Variants in ABCA4 observed in about 807,000 individuals in gnomAD.
ABCA4 encodes retinal-specific phospholipid-transporting ATPase ABCA4.
ABCA4 carries 196 observed loss-of-function variants against 263.7 expected under a neutral mutation model. The ratio of observed to expected loss-of-function variants is 0.74; its 90% CI spans 0.66 to 0.84. The LOEUF (loss-of-function observed/expected upper bound fraction) is 0.84, where lower values mean the gene tolerates loss of function less well. Ranked by LOEUF, ABCA4 falls within the 40% of genes least tolerant of loss-of-function variation. The probability of loss-of-function intolerance (pLI) is 0.00; values close to 1 mark genes in which losing one functional copy is unlikely to be tolerated. For synonymous variants in ABCA4, 1,133 were observed against 1,094.2 expected, an observed-to-expected ratio of 1.04 and a Z score of -0.70; for missense variants, 2,792 against 2,855.1, an observed-to-expected ratio of 0.98 and a Z score of 0.50.
At position 94,063,125 on chromosome 1, in the gene ABCA4, T is replaced by G; in HGVS notation, c.1747A>C (p.Lys583Gln). 1.2e-6 allele frequency: 2 copies of G among 1,613,708 alleles called. No homozygotes were observed. The highest frequency in any genetic ancestry group is 2.2e-5 in the South Asian group (2 of 91,060). The change falls in exon 12 of 50, where the codon AAG becomes CAG. Residue 583 changes from lysine (K) to glutamine (Q), a missense_variant. Lys to Gln is a moderately conservative substitution (Grantham distance 53). Coordinates refer to ENST00000370225, the MANE Select transcript of ABCA4 (RefSeq NM_000350.3). ...CTGAAACATCACCTGTCTTTAATCT[T>G]ATTGGTTTTCTCCACCACGTCTATG... ...MDIDVVEKTN[K>Q]IKDRYWDSGP...
chr1:94,030,971 G>A (rs1660183916), intron 28 of ABCA4, 25 bp downstream of exon 28: 1 of 1,613,664 alleles, frequency 6.2e-7, no homozygotes. Context: ...CCACAGAGGA[G>A]AATGGTGACC....
chr1:94,000,765 GTCA>G, intron 47 of ABCA4, 68 bp downstream of exon 47: 5 of 1,499,164 alleles, frequency 3.3e-6, no homozygotes, highest in Non-Finnish European at 3.7e-6. Context: ...TCTTCCAAGT[GTCA>G]ATGGAGAACA....
intron 22 of ABCA4, among the ~76,000 whole-genome samples, chr1:94,042,377 T>A (rs1053670020): frequency 6.6e-6 from 1 of 152,104 alleles, no homozygotes; most frequent in Non-Finnish European, 1.5e-5. Flanking sequence ...GCCCAGCAGG[T>A]CACCCTCACA....
intron 1 of ABCA4, among the ~76,000 whole-genome samples, chr1:94,119,775 T>C (rs2184339): frequency 0.24 from 36,302 of 152,072 alleles, 4,797 homozygotes; most frequent in Middle Eastern, 0.37. Context: ...CTTTTCATAT[T>C]AAACTCTAAG....
chr1:94,106,878 C>T (rs11579526), intron 4 of ABCA4, among the ~76,000 whole-genome samples: 39,474 of 151,894 alleles, frequency 0.26, 5,533 homozygotes, highest in African/African-American at 0.36. Flanking sequence ...GGGCCCCACA[C>T]GCGCTGTGGT....
chr1:94,119,171 A>G (rs895024252), intron 1 of ABCA4, among the ~76,000 whole-genome samples: 28 of 152,042 alleles, frequency 1.8e-4, no homozygotes, highest in Non-Finnish European at 1.5e-5. Flanking sequence ...TTTAATCATG[A>G]GGTTTTTTTT....
At chr1:94,111,312 G>C in intron 3 of ABCA4, 126 bp downstream of exon 3, 9 of 1,310,462 alleles carry the variant, frequency 6.9e-6, no homozygotes, top group Non-Finnish European at 9.6e-6. Flanking sequence ...GCTCCTAAGA[G>C]GTTAGGGGCT....
chr1:94,083,549 C>A, intron 6 of ABCA4, 108 bp from the exon 7 acceptor site: 1 of 779,076 alleles, frequency 1.3e-6, no homozygotes, highest in Non-Finnish European at 2.1e-6. Flanking sequence ...CCCCCTCCTT[C>A]TTTCTGATCG....
In ABCA4 at chr1:94,060,706, A is replaced by G. The variant is rs767782886; in HGVS notation, c.1991T>C (p.Ile664Thr). The change falls in exon 14 of 50, where the codon ATC (isoleucine) becomes ACC (threonine). Residue 664 changes from isoleucine to threonine, a missense_variant. Coordinates refer to ENST00000370225, the MANE Select transcript of ABCA4 (RefSeq NM_000350.3). ...CTTCACAGTCATGGAGACAGAGTAG[A>G]TCCATGCCAGCACCATGAAGATAGG... ...CFPIFMVLAW[I>T]YSVSMTVKSI... 1.2e-6 allele frequency: 2 copies of G among 1,614,114 alleles called. No homozygotes were observed. The highest frequency in any genetic ancestry group is 1.7e-6 in the Non-Finnish European group (2 of 1,180,004).
intron 44 of ABCA4, among the ~76,000 whole-genome samples, chr1:94,003,867 G>A (rs1362019716): frequency 6.6e-6 from 1 of 152,056 alleles, no homozygotes; most frequent in African/African-American, 2.4e-5. Context: ...GGAACTCCTG[G>A]GCTCAAGCGA....
At chr1:94,060,798 T>C (rs374028736) in intron 13 of ABCA4, 39 bp from the exon 14 acceptor site, 1 of 1,469,530 alleles carries the variant, frequency 6.8e-7, no homozygotes, top group African/African-American at 1.4e-5. Context: ...TAGAGTGCTC[T>C]GTACCTGGTA....
chr1:94,022,093 G>T, intron 32 of ABCA4, 142 bp from the exon 33 acceptor site: 1 of 748,452 alleles, frequency 1.3e-6, no homozygotes. Context: ...TTACAAACCA[G>T]CTTTTAACTC....
chr1:94,094,272 C>G (rs765885556), intron 6 of ABCA4, among the ~76,000 whole-genome samples: 17 of 152,116 alleles, frequency 1.1e-4, no homozygotes, highest in Non-Finnish European at 2.4e-4. Context: ...GGCGGTCCAC[C>G]CACGCTTCTC....
intron 11 of ABCA4, among the ~76,000 whole-genome samples, chr1:94,063,733 G>A (rs1349257609): frequency 6.6e-6 from 1 of 152,162 alleles, no homozygotes; most frequent in African/African-American, 2.4e-5. Flanking sequence ...AAGAGAGAGA[G>A]AAACATTCCT....
At chr1:94,080,060 T>C (rs1325708421) in intron 8 of ABCA4, among the ~76,000 whole-genome samples, 1 of 152,058 alleles carries the variant, frequency 6.6e-6, no homozygotes, top group African/African-American at 2.4e-5. Flanking sequence ...GGAATGTAAT[T>C]CAGTACTACA....
Position 94,041,153 on chromosome 1 carries a change from C to T in ABCA4, c.3522+56G>A, listed in dbSNP as rs1363618853. 1.1e-5 allele frequency: 18 copies of T among 1,586,984 alleles called. No individual in the cohort carries two copies. In the East Asian group the frequency reaches 2.9e-4, roughly 26 times the overall value. ...GTAGCCATGTCTGGAGTGGCAGCCC[C>T]GTGCTGTGTGCTCCTTCTCACCCAG... On this transcript the variant is annotated intron_variant, in intron 23 of 49. Transcript: ENST00000370225.
intron 44 of ABCA4, among the ~76,000 whole-genome samples, chr1:94,003,826 CAG>C (rs971355722): frequency 6.6e-6 from 1 of 151,958 alleles, no homozygotes; most frequent in African/African-American, 2.4e-5. Flanking sequence ...TTTGTAGAGA[CAG>C]GGTCTCCCTA....
At chr1:94,051,765 T>C in intron 16 of ABCA4, 67 bp from the exon 17 acceptor site, 1 of 1,208,006 alleles carries the variant, frequency 8.3e-7, no homozygotes, top group Non-Finnish European at 1.2e-6. Flanking sequence ...ACCGCAGTTC[T>C]ATAAGATCTA....
chr1:94,102,914 C>A, intron 5 of ABCA4, 101 bp downstream of exon 5: 3 of 1,527,510 alleles, frequency 2.0e-6, no homozygotes, highest in Admixed American at 3.4e-5. Flanking sequence ...TGAATGTGAA[C>A]ACAAGGAAGA....
Sources: allele counts gnomAD v4.1 joint callset (sites outside exome capture counted in the v4.1 genomes callset), GRCh38; gene constraint gnomAD v4.1.1; transcripts MANE v1.5; gene names NCBI Gene and HGNC (gene_info 2026-07-23, HGNC 2026-07-21).